RHOBTB2: variants seen among roughly 807,000 people sequenced by gnomAD.
RHOBTB2 encodes the protein rho-related BTB domain-containing protein 2.
In RHOBTB2, 39 loss-of-function variants were observed where a neutral mutation model predicts 66.5. That is an observed-to-expected ratio of 0.59 (90% CI 0.45 to 0.77). The LOEUF (loss-of-function observed/expected upper bound fraction) is 0.77, where lower values mean the gene tolerates loss of function less well. RHOBTB2 is among the 30% of genes least tolerant of loss of function. RHOBTB2 has a pLI of 0.00. For missense variants in RHOBTB2, 755 were observed against 999.1 expected (o/e 0.76, Z 3.29); for synonymous variants, 390 against 395.0 (o/e 0.99, Z 0.15).
Position 23,007,253 on chromosome 8 carries a change from A to G in RHOBTB2, c.1008A>G (p.Arg336=), listed in dbSNP as rs1189553556. 5 of 1,612,082 alleles carry G rather than the reference A, an allele frequency of 3.1e-6. No individual in the cohort carries two copies. The highest frequency in any genetic ancestry group is 4.2e-6 in the Non-Finnish European group (5 of 1,179,890). ...ACCATCACCACCACCACCATGGGCGAGACTTCCTGCTCCGAGCAGCCAGCT... is the reference window on the plus strand; with the variant it reads ...ACCATCACCACCACCACCATGGGCGGGACTTCCTGCTCCGAGCAGCCAGCT... ...HHHHHHHHHG[R]DFLLRAASFD... The change falls in exon 5 of 10, where the codon CGA becomes CGG. Residue 336 remains arginine (R), a synonymous_variant. Coordinates refer to ENST00000251822, the MANE Select transcript of RHOBTB2 (RefSeq NM_015178.3).
chr8:22,999,610 T>C lies in RHOBTB2; in HGVS notation c.-506T>C. ...TTCTCCTCCTTTTTTTACCCTCCCG[T>C]TTTTTTCTTTTCTTTTTTTTTTCCC... On this transcript the variant is annotated 5_prime_UTR_variant, in exon 1 of 10. Transcript: ENST00000251822. The C allele has an allele frequency of 8.1e-7, 1 of 1,236,396 alleles. No individual in the cohort carries two copies. The highest frequency in any genetic ancestry group is 1.7e-5 in the African/African-American group (1 of 60,050). The allele number at this position is 1,236,396 out of a possible 1,614,324, so 76.6% of individuals were successfully genotyped here. A position where few individuals can be genotyped will look rare whatever the true frequency, so the allele number is the denominator to read the frequency against.
At chr8:22,978,874 T>C in the RHOBTB2 span, among the ~76,000 whole-genome samples, 1 of 152,152 alleles carries the variant, frequency 6.6e-6, no homozygotes, top group Non-Finnish European at 1.5e-5. Flanking sequence ...TTAACTTAAC[T>C]TCCTGTTATG....
upstream of RHOBTB2, among the ~76,000 whole-genome samples, chr8:22,998,475 T>C (rs1343959450): frequency 6.6e-6 from 1 of 152,130 alleles, no homozygotes; most frequent in Non-Finnish European, 1.5e-5. Flanking sequence ...GGCTCACGCC[T>C]GTAATCCTAG....
At chr8:22,977,896 G>A in the RHOBTB2 span, 1 of 152,042 alleles carries the variant, frequency 6.6e-6, no homozygotes, top group Admixed American at 6.6e-5. Context: ...GGTGGCTCAG[G>A]CATGTAGTCC....
At chr8:22,978,552 A>G in the RHOBTB2 span, among the ~76,000 whole-genome samples, 1 of 150,478 alleles carries the variant, frequency 6.6e-6, no homozygotes, top group Non-Finnish European at 1.5e-5. Context: ...TTAGGTAAGG[A>G]GAATATCAGT....
At chr8:23,000,276 C>A (rs989723201) in intron 1 of RHOBTB2, among the ~76,000 whole-genome samples, 171 bp downstream of exon 1, 2 of 152,208 alleles carry the variant, frequency 1.3e-5, no homozygotes, top group African/African-American at 4.8e-5. Flanking sequence ...TAATCCTTTC[C>A]GGTGTTTCTA....
At chr8:22,966,254 G>A in the RHOBTB2 span, among the ~76,000 whole-genome samples, 7 of 152,080 alleles carry the variant, frequency 4.6e-5, no homozygotes, top group Non-Finnish European at 1.0e-4. Flanking sequence ...TTGGGAGGCT[G>A]AGGCAAGAGA....
At chr8:22,966,397 C>T in the RHOBTB2 span, among the ~76,000 whole-genome samples, 1 of 151,560 alleles carries the variant, frequency 6.6e-6, no homozygotes, top group Non-Finnish European at 1.5e-5. Flanking sequence ...GACCCAACAA[C>T]AAAAAAACAA....
chr8:23,007,429 G>A lies in RHOBTB2; in HGVS notation c.1184G>A (p.Ser395Asn), dbSNP rs1811002648. 6.2e-7 allele frequency: 1 copy of A among 1,614,152 alleles called. No individual in the cohort carries two copies. Among genetic ancestry groups the A allele is most frequent in the Non-Finnish European group, 8.5e-7 (1 of 1,180,036 alleles). Residue 395 changes from serine to asparagine, a missense_variant, in exon 5 of 10, where the codon AGC (serine) becomes AAC (asparagine). This residue lies in a region of RHOBTB2 where 353 missense variants were observed against 458.2 expected (regional missense o/e 0.77). Coordinates refer to ENST00000251822, the MANE Select transcript of RHOBTB2 (RefSeq NM_015178.3). ...TCTTCCTGGAGCCGAGCTTTTGTGAGCATCCAGGAAGAGATGGCAGAAGAT... is the reference window on the plus strand; with the variant it reads ...TCTTCCTGGAGCCGAGCTTTTGTGAACATCCAGGAAGAGATGGCAGAAGAT... ...VLSSWSRAFV[S>N]IQEEMAEDPL...
upstream of RHOBTB2, among the ~76,000 whole-genome samples, chr8:22,998,131 G>C (rs139657012): frequency 6.6e-6 from 1 of 152,214 alleles, no homozygotes; most frequent in Non-Finnish European, 1.5e-5. Flanking sequence ...TGACCAGGTA[G>C]GTAGGCACGT....
chr8:22,999,828 G>C lies in RHOBTB2; in HGVS notation c.-288G>C. 1.0e-6 allele frequency: 1 copy of C among 984,140 alleles called. No individual in the cohort carries two copies. Among genetic ancestry groups the C allele is most frequent in the Non-Finnish European group, 1.2e-6 (1 of 829,808 alleles). The allele number at this position is 984,140 out of a possible 1,614,324, so 61.0% of individuals were successfully genotyped here. A position where few individuals can be genotyped will look rare whatever the true frequency, so the allele number is the denominator to read the frequency against. ...TCCGCGCGCCGCCGTGACATTGGGC[G>C]CCTGGCGCGCGGGGCGATGCTGATC... On this transcript the variant is annotated 5_prime_UTR_variant, in exon 1 of 10. Coordinates refer to ENST00000251822, the MANE Select transcript of RHOBTB2 (RefSeq NM_015178.3).
chr8:22,973,622 C>T, the RHOBTB2 span, among the ~76,000 whole-genome samples: 1 of 152,184 alleles, frequency 6.6e-6, no homozygotes, highest in Non-Finnish European at 1.5e-5. Flanking sequence ...CAGCCCGGGC[C>T]TGGCACTTCC....
At chr8:22,986,357 C>T (rs1315941446), upstream of RHOBTB2, among the ~76,000 whole-genome samples, 2 of 148,224 alleles carry the variant, frequency 1.3e-5, no homozygotes, top group Non-Finnish European at 3.0e-5. Flanking sequence ...GCCTCAACTT[C>T]CTGCGCTCAG....
the RHOBTB2 span, among the ~76,000 whole-genome samples, chr8:22,971,936 G>A: frequency 6.6e-6 from 1 of 152,164 alleles, no homozygotes; most frequent in African/African-American, 2.4e-5. Flanking sequence ...TCCAAATCCT[G>A]GTATCCAGCT....
intron 1 of RHOBTB2, among the ~76,000 whole-genome samples, chr8:23,003,768 C>G (rs1187923360): frequency 3.3e-5 from 5 of 152,192 alleles, no homozygotes; most frequent in African/African-American, 7.2e-5. Context: ...TCAGGTGCAT[C>G]CAGGAACCTC....
At chr8:22,979,939 T>C in the RHOBTB2 span, among the ~76,000 whole-genome samples, 1 of 151,840 alleles carries the variant, frequency 6.6e-6, no homozygotes, top group South Asian at 2.1e-4. Context: ...TATATTTTTT[T>C]AGTAGAGACG....
upstream of RHOBTB2, among the ~76,000 whole-genome samples, chr8:22,995,185 G>C (rs927727265): frequency 3.3e-5 from 5 of 152,140 alleles, no homozygotes; most frequent in Admixed American, 2.0e-4. Context: ...CTCTCAGCTC[G>C]GCCTCCCAAA....
At chr8:23,013,109 A>AT (rs1811194030) in intron 7 of RHOBTB2, among the ~76,000 whole-genome samples, 1 of 151,654 alleles carries the variant, frequency 6.6e-6, no homozygotes, top group African/African-American at 2.4e-5. Flanking sequence ...TAATTTTTAA[A>AT]TTTTTTGCAG....
chr8:23,003,836 T>C (rs1222116438), intron 1 of RHOBTB2, among the ~76,000 whole-genome samples: 2 of 151,790 alleles, frequency 1.3e-5, no homozygotes, highest in African/African-American at 2.4e-5. Context: ...GGGACTGGGG[T>C]CTGGGGTTGA....
Sources: allele counts gnomAD v4.1 joint callset (sites outside exome capture counted in the v4.1 genomes callset), GRCh38; gene constraint gnomAD v4.1.1; regional missense constraint gnomAD v4.1.1; transcripts MANE v1.5; gene names NCBI Gene and HGNC (gene_info 2026-07-23, HGNC 2026-07-21).